The following UBR4 variants were observed in gnomAD, a reference collection of about 807,000 sequenced individuals.
The protein encoded by UBR4 is E3 ubiquitin-protein ligase UBR4.
In UBR4, 124 loss-of-function variants were observed where a neutral mutation model predicts 575.6. The observed-to-expected ratio is 0.22, with a 90% CI of 0.19 to 0.25. The LOEUF is 0.25. Ranked by LOEUF, UBR4 falls within the 10% of genes least tolerant of loss-of-function variation. UBR4 has a pLI of 1.00. For missense variants in UBR4, 4,818 were observed against 6,478.8 expected (o/e 0.74, Z 8.80); for synonymous variants, 2,455 against 2,473.7 (o/e 0.99, Z 0.22).
chr1:19,179,542 T>C (rs1346679688), intron 17 of UBR4, among the ~76,000 whole-genome samples: 1 of 152,232 alleles, frequency 6.6e-6, no homozygotes, highest in Non-Finnish European at 1.5e-5. Context: ...ACATGAGAAG[T>C]TGTTGCCTTT....
chr1:19,096,499 C>T lies in UBR4; in HGVS notation c.13518+24G>A, dbSNP rs373360467. The T allele has an allele frequency of 3.7e-6, 6 of 1,607,766 alleles. No homozygotes were observed. In the East Asian group the frequency reaches 6.7e-5, roughly 18 times the overall value. Reference sequence around the variant, plus strand: ...CTCCCAGTGCAGAAAGGCTGGCCCCCACAACTTGCTGCCCCCAACTCACTG... The same window carrying T: ...CTCCCAGTGCAGAAAGGCTGGCCCCTACAACTTGCTGCCCCCAACTCACTG... On this transcript the variant is annotated intron_variant, in intron 92 of 105. Coordinates refer to ENST00000375254, the MANE Select transcript of UBR4 (RefSeq NM_020765.3).
rs2076502812 is a variant in UBR4, at chr1:19,081,539, G to C, written c.15043C>G (p.Gln5015Glu). ...RATSREEKNL[Q>E]GFLEQPKEKW... ...TCCTTGGGCTGTTCCAGAAAGCCTT[G>C]GAGGTTCTTCTCTTCTCGGGAAGTT... The change falls in exon 103 of 106, where the codon CAA (glutamine) becomes GAA (glutamate). Residue 5015 changes from glutamine to glutamate, a missense_variant. By Grantham distance (29) the Gln-to-Glu change is conservative. Transcript: ENST00000375254. 2 of 1,614,044 alleles carry C rather than the reference G, an allele frequency of 1.2e-6. No homozygotes were observed. Among genetic ancestry groups the C allele is most frequent in the Non-Finnish European group, 1.7e-6 (2 of 1,180,026 alleles).
chr1:19,158,232 T>TA (rs376553688), intron 39 of UBR4, among the ~76,000 whole-genome samples: 18 of 152,268 alleles, frequency 1.2e-4, no homozygotes, highest in African/African-American at 4.1e-4. Flanking sequence ...ACTGGTCTTT[T>TA]AAAAAAATGT....
At position 19,117,829 on chromosome 1, in the gene UBR4, C is replaced by A. The variant is rs370222518; in HGVS notation, c.10623G>T (p.Pro3541=). 1 of 1,614,024 alleles carries A rather than the reference C, an allele frequency of 6.2e-7. No homozygotes were observed. The highest frequency in any genetic ancestry group is 8.5e-7 in the Non-Finnish European group (1 of 1,179,984). ...PCLVCNNPEV[P]FCYIKLSSIK... is the part of the protein sequence containing the mutation. ...ATGTACAGATGTTACTTACACAGAACGGTACTTCCGGGTTATTACACACCA... is the reference window on the plus strand; with the variant it reads ...ATGTACAGATGTTACTTACACAGAAAGGTACTTCCGGGTTATTACACACCA... Residue 3541 remains proline, a synonymous_variant, in exon 72 of 106, where the codon CCG becomes CCT. Coordinates refer to ENST00000375254, the MANE Select transcript of UBR4 (RefSeq NM_020765.3). The surrounding 1 kb of genome is among the most constrained non-coding windows in gnomAD (Gnocchi z 4.0).
chr1:19,097,682 A>G (rs2148984261), intron 90 of UBR4, among the ~76,000 whole-genome samples: 2 of 152,342 alleles, frequency 1.3e-5, no homozygotes, highest in South Asian at 4.1e-4. Flanking sequence ...GTCTAATTCC[A>G]AGCCTGGACC....
rs776624073 is a variant in UBR4 at position 19,172,848 on chromosome 1, A to G, written c.3521+16T>C. ...GAAGAGTGCATGTGCATCTCTGGGC[A>G]GGCAGTTCGCCACACCTGGTGAACG... On this transcript the variant is annotated intron_variant, in intron 25 of 105. Transcript: ENST00000375254. The G allele has an allele frequency of 1.9e-6, 3 of 1,612,886 alleles. No individual in the cohort carries two copies. In the South Asian group the frequency reaches 3.3e-5, roughly 18 times the overall value.
chr1:19,172,416 C>G (rs1391331101), intron 25 of UBR4, among the ~76,000 whole-genome samples: 1 of 152,024 alleles, frequency 6.6e-6, no homozygotes, highest in Non-Finnish European at 1.5e-5. Context: ...ACTCAGGAGG[C>G]TGAGGCAGGA....
Position 19,100,096 on chromosome 1 carries a change from G to A in UBR4, c.13221+280C>T. 2 of 487,366 alleles carry A rather than the reference G, an allele frequency of 4.1e-6. No homozygotes were observed. Among genetic ancestry groups the A allele is most frequent in the Non-Finnish European group, 7.3e-6 (2 of 275,034 alleles). 30.2% of individuals were successfully genotyped at this position (487,366 alleles called of 1,614,324 possible). A position where few individuals can be genotyped will look rare whatever the true frequency, so the allele number is the denominator to read the frequency against. On this transcript the variant is annotated intron_variant, in intron 89 of 105. Coordinates refer to ENST00000375254, the MANE Select transcript of UBR4 (RefSeq NM_020765.3). The surrounding 1 kb of genome is among the most constrained non-coding windows in gnomAD (Gnocchi z 4.2). ...GACTCACCGAGAAGTCTCTGCCAGA[G>A]GCAATAACGATAATAAATACCCACC...
Position 19,139,003 on chromosome 1 carries a change from A to ACC in UBR4, c.8731+78_8731+79dup, listed in dbSNP as rs919204385. On this transcript the variant is annotated intron_variant, in intron 59 of 105. Coordinates refer to ENST00000375254, the MANE Select transcript of UBR4 (RefSeq NM_020765.3). The surrounding 1 kb of genome is among the most constrained non-coding windows in gnomAD (Gnocchi z 4.2). Reference sequence around the variant, plus strand: ...CTATACCTTTTCTTTGCAAAAACCAACCCCAAGACCCAAGCAGAGATTCCT... The same window carrying ACC: ...CTATACCTTTTCTTTGCAAAAACCAACCCCCCAAGACCCAAGCAGAGATTCCT... 45 of 1,467,170 alleles carry ACC rather than the reference A, an allele frequency of 3.1e-5. No individual in the cohort carries two copies. In the African/African-American group the frequency reaches 5.2e-4, roughly 17 times the overall value. The allele number at this position is 1,467,170 out of a possible 1,614,324, so 90.9% of individuals were successfully genotyped here. A position where few individuals can be genotyped will look rare whatever the true frequency, so the allele number is the denominator to read the frequency against.
intron 3 of UBR4, 53 bp from the exon 4 acceptor site, chr1:19,198,981 A>C: frequency 6.3e-7 from 1 of 1,582,478 alleles, no homozygotes; most frequent in South Asian, 1.1e-5. Context: ...TAGATCTTTC[A>C]GAAAATTCTA....
At chr1:19,183,981 A>G (rs1290860105) in intron 16 of UBR4, 35 bp downstream of exon 16, 3 of 1,613,960 alleles carry the variant, frequency 1.9e-6, no homozygotes, top group Admixed American at 1.7e-5. Context: ...TCCATGAGAA[A>G]AAAAATCCAT....
intron 65 of UBR4, among the ~76,000 whole-genome samples, chr1:19,124,306 C>T (rs2081498835): frequency 6.6e-6 from 1 of 152,150 alleles, no homozygotes; most frequent in African/African-American, 2.4e-5. Context: ...ATTATCAGCA[C>T]GTGAGGCGAA....
In UBR4 at chr1:19,122,041, A is replaced by G. The variant is rs1327543653; in HGVS notation, c.9817-29T>C. Reference sequence around the variant, plus strand: ...AAATAGGAACCAACCACGGGAAAGGAGTAACTCCACCACATTGCCCAGACA... The same window carrying G: ...AAATAGGAACCAACCACGGGAAAGGGGTAACTCCACCACATTGCCCAGACA... On this transcript the variant is annotated intron_variant, in intron 66 of 105. Transcript: ENST00000375254. 5 of 1,611,834 alleles carry G rather than the reference A, an allele frequency of 3.1e-6. No individual in the cohort carries two copies. The African/African-American group carries it at 6.7e-5, about 22-fold the overall frequency.
intron 1 of UBR4, among the ~76,000 whole-genome samples, chr1:19,206,338 C>CTT (rs143493508): frequency 7.0e-6 from 1 of 143,846 alleles, no homozygotes; most frequent in Non-Finnish European, 1.5e-5. Flanking sequence ...CCCTGTCTCT[C>CTT]TTTTTTTTTT....
At position 19,198,636 on chromosome 1, in the gene UBR4, T is replaced by C; in HGVS notation, c.553A>G (p.Arg185Gly). ...AAATTCATCTGTACCTCCTTTTGCCTCAACTCAGGGCTTACTGGTGAGGCC... is the reference window on the plus strand; with the variant it reads ...AAATTCATCTGTACCTCCTTTTGCCCCAACTCAGGGCTTACTGGTGAGGCC... Reference protein sequence around the residue: ...ELASPVSPELRQKEVQMNFLN... With the variant: ...ELASPVSPELGQKEVQMNFLN... The change falls in exon 5 of 106, where the codon AGG becomes GGG. Residue 185 changes from arginine to glycine, a missense_variant. By Grantham distance (125) the Arg-to-Gly change is moderately radical. Transcript: ENST00000375254. 6.2e-7 allele frequency: 1 copy of C among 1,614,172 alleles called. No homozygotes were observed. The highest frequency in any genetic ancestry group is 8.5e-7 in the Non-Finnish European group (1 of 1,180,016).
At chr1:19,185,862 G>A (rs900358998) in intron 14 of UBR4, among the ~76,000 whole-genome samples, 23 of 151,976 alleles carry the variant, frequency 1.5e-4, no homozygotes, top group African/African-American at 4.8e-4. Context: ...GAGCCACCGC[G>A]CCCAGCCAAT....
At position 19,105,182 on chromosome 1, in the gene UBR4, C is replaced by G; in HGVS notation, c.12511G>C (p.Asp4171His). The change falls in exon 85 of 106, where the codon GAT becomes CAT. Residue 4171 changes from aspartate (D) to histidine (H), a missense_variant. Asp to His is a moderately conservative substitution (Grantham distance 81). Around this residue, in one of 29 missense-constraint regions of UBR4, gnomAD observed 178 missense variants for 175.5 expected, o/e 1.01. Transcript: ENST00000375254. Reference sequence around the variant, plus strand: ...CACTCCCCAGCTATGCTCAGCTCATCCAGGTAACTGCCACCAAGAGGGACA... The same window carrying G: ...CACTCCCCAGCTATGCTCAGCTCATGCAGGTAACTGCCACCAAGAGGGACA... Reference protein sequence around the residue: ...QVLDLLTSYLDELSIAGECAA... With the variant: ...QVLDLLTSYLHELSIAGECAA... 6.2e-7 allele frequency: 1 copy of G among 1,612,314 alleles called. No homozygotes were observed. The highest frequency in any genetic ancestry group is 8.5e-7 in the Non-Finnish European group (1 of 1,179,358).
At chr1:19,138,965 T>C in intron 59 of UBR4, 118 bp downstream of exon 59, 1 of 1,280,502 alleles carries the variant, frequency 7.8e-7, no homozygotes, top group Non-Finnish European at 1.0e-6. Flanking sequence ...TCCACAAGAC[T>C]TTCAATGAGT....
In UBR4 at chr1:19,115,544, A is replaced by G; in HGVS notation, c.10917T>C (p.Asn3639=). ...AGAAGTCTGCAAACTCAATCATCAG[A>G]TTGGAGGCCACAATGGGCAACGGCA... is the stretch of plus-strand genomic sequence containing the variant. The part of the protein sequence containing the change: ...IDLPLPIVAS[N]LMIEFADFYE... The change falls in exon 74 of 106, where the codon AAT becomes AAC. Residue 3639 remains asparagine (N), a synonymous_variant. Transcript: ENST00000375254. 6.2e-7 allele frequency: 1 copy of G among 1,614,192 alleles called. No individual in the cohort carries two copies.
Sources: allele counts gnomAD v4.1 joint callset (sites outside exome capture counted in the v4.1 genomes callset), GRCh38; gene constraint gnomAD v4.1.1; regional missense constraint gnomAD v4.1.1; non-coding constraint Gnocchi (gnomAD v3.1); transcripts MANE v1.5; gene names NCBI Gene and HGNC (gene_info 2026-07-23, HGNC 2026-07-21).